ERBB4: variants seen among roughly 807,000 people sequenced by gnomAD.
The protein encoded by ERBB4 is receptor tyrosine-protein kinase erbB-4.
Under a neutral mutation model 158.0 loss-of-function variants are expected in ERBB4, and 42 were observed. The observed-to-expected ratio is 0.27, with a 90% CI of 0.21 to 0.34. The LOEUF (loss-of-function observed/expected upper bound fraction) is 0.34, where lower values mean the gene tolerates loss of function less well. Ranked by LOEUF, ERBB4 falls within the 10% of genes least tolerant of loss-of-function variation. The pLI is 1.00. For synonymous variants in ERBB4, 583 were observed against 558.7 expected (o/e 1.04, Z -0.61); for missense variants, 1,333 against 1,624.1 (o/e 0.82, Z 3.08).
At chr2:211,519,733 C>T (rs2066138006) in intron 20 of ERBB4, among the ~76,000 whole-genome samples, 1 of 152,112 alleles carries the variant, frequency 6.6e-6, no homozygotes, top group Admixed American at 6.5e-5. Flanking sequence ...TGCATTTGTA[C>T]TTGCATTTCT....
At chr2:211,862,453 A>C (rs983566) in intron 3 of ERBB4, among the ~76,000 whole-genome samples, 34,644 of 151,968 alleles carry the variant, frequency 0.23, 4,100 homozygotes, top group South Asian at 0.32. Flanking sequence ...GCAATTTTCC[A>C]GAGATTCCTG....
chr2:212,030,233 A>C (rs1429621345), intron 2 of ERBB4, among the ~76,000 whole-genome samples: 1 of 152,026 alleles, frequency 6.6e-6, no homozygotes, highest in Non-Finnish European at 1.5e-5. Flanking sequence ...AAGGAGCCTC[A>C]TATATCTCCC....
intron 1 of ERBB4, among the ~76,000 whole-genome samples, chr2:212,230,655 A>G (rs2083631807): frequency 1.3e-5 from 2 of 152,202 alleles, no homozygotes; most frequent in Admixed American, 6.5e-5. Context: ...GGTTTTCTGA[A>G]CATATATTTT....
In ERBB4 at chr2:212,488,296, CT is replaced by C. The variant is rs1387718996; in HGVS notation, c.82+50152del. Among the ~76,000 whole-genome samples the C allele has an allele frequency of 3.3e-5, 5 of 150,478 alleles. No individual in the cohort carries two copies. The East Asian group carries it at 9.7e-4, about 29-fold the overall frequency. The stretch of plus-strand genomic sequence containing the variant: ...TTGCTTTTTTTCCTACCTATTTTCA[CT>C]TTTTTCTAAGTTTCCTCGCTCCTCT... On this transcript the variant is annotated intron_variant, in intron 1 of 27. Transcript: ENST00000342788.
intron 19 of ERBB4, among the ~76,000 whole-genome samples, chr2:211,616,118 G>A (rs1323592098): frequency 1.3e-5 from 2 of 152,000 alleles, no homozygotes; most frequent in Non-Finnish European, 2.9e-5. Context: ...TCTTTCCACT[G>A]AGCCTATTTT....
At chr2:212,170,364 G>A (rs981001423) in intron 1 of ERBB4, among the ~76,000 whole-genome samples, 2 of 152,258 alleles carry the variant, frequency 1.3e-5, no homozygotes, top group Non-Finnish European at 1.5e-5. Flanking sequence ...GTTTAAAAAG[G>A]AAGCAGAGTA....
intron 25 of ERBB4, among the ~76,000 whole-genome samples, chr2:211,395,231 G>A (rs369676890): frequency 3.4e-4 from 51 of 152,076 alleles, no homozygotes; most frequent in African/African-American, 1.2e-3. Context: ...ATGTTTTGAT[G>A]AGGCTGAACC....
At chr2:211,944,592 C>A (rs553641995) in intron 3 of ERBB4, among the ~76,000 whole-genome samples, 1 of 152,142 alleles carries the variant, frequency 6.6e-6, no homozygotes, top group East Asian at 1.9e-4. Flanking sequence ...CCATCCCTTC[C>A]TTTCTCTCTG....
At chr2:211,720,332 A>G (rs1440701954) in intron 7 of ERBB4, among the ~76,000 whole-genome samples, 1 of 152,190 alleles carries the variant, frequency 6.6e-6, no homozygotes, top group Non-Finnish European at 1.5e-5. Context: ...ACTGTGGTCA[A>G]TGCCTTTGTG....
chr2:212,006,891 C>T (rs1428185012), intron 2 of ERBB4, among the ~76,000 whole-genome samples: 1 of 151,990 alleles, frequency 6.6e-6, no homozygotes, highest in African/African-American at 2.4e-5. Context: ...ATTTTAACTT[C>T]ACTGAGATTG....
chr2:211,919,832 T>C (rs2079809045), intron 3 of ERBB4, among the ~76,000 whole-genome samples: 1 of 151,994 alleles, frequency 6.6e-6, no homozygotes. Context: ...TACTTTCATA[T>C]GCTGCAAGGA....
intron 1 of ERBB4, among the ~76,000 whole-genome samples, chr2:212,408,831 T>G (rs1174445609): frequency 2.6e-5 from 4 of 152,166 alleles, no homozygotes; most frequent in Non-Finnish European, 5.9e-5. Context: ...CTAAATTCAC[T>G]CTGAAGTTTA....
intron 2 of ERBB4, among the ~76,000 whole-genome samples, chr2:211,988,129 A>T (rs1307027444): frequency 6.6e-6 from 1 of 152,212 alleles, no homozygotes; most frequent in African/African-American, 2.4e-5. Context: ...ATTAGAGCAG[A>T]AAAAGGTTTT....
intron 24 of ERBB4, among the ~76,000 whole-genome samples, chr2:211,421,627 A>T (rs556460465): frequency 4.6e-5 from 7 of 152,004 alleles, no homozygotes; most frequent in African/African-American, 1.7e-4. Flanking sequence ...GTCTTCAAGC[A>T]TGGGCAAGAT....
At chr2:211,510,961 T>C (rs1034411121) in intron 20 of ERBB4, among the ~76,000 whole-genome samples, 1 of 151,818 alleles carries the variant, frequency 6.6e-6, no homozygotes, top group Non-Finnish European at 1.5e-5. Context: ...ATAGACAAGA[T>C]CCATGGTTTA....
chr2:212,107,090 TATGAGA>T (rs2079252286), intron 2 of ERBB4, among the ~76,000 whole-genome samples: 1 of 152,048 alleles, frequency 6.6e-6, no homozygotes, highest in South Asian at 2.1e-4. Flanking sequence ...GCTGCCTAGT[TATGAGA>T]AAAGTGTCAC....
chr2:212,291,381 TC>T (rs2086200305), intron 1 of ERBB4, among the ~76,000 whole-genome samples: 1 of 152,102 alleles, frequency 6.6e-6, no homozygotes, highest in Non-Finnish European at 1.5e-5. Flanking sequence ...TTTAGCATAA[TC>T]CTATCATGTA....
chr2:212,105,321 G>A (rs1402855866), intron 2 of ERBB4, among the ~76,000 whole-genome samples: 1 of 152,162 alleles, frequency 6.6e-6, no homozygotes, highest in East Asian at 1.9e-4. Flanking sequence ...TTTTAGATAT[G>A]TAGAAAATAG....
chr2:212,276,840 T>A (rs2085555729), intron 1 of ERBB4, among the ~76,000 whole-genome samples: 1 of 151,826 alleles, frequency 6.6e-6, no homozygotes, highest in Non-Finnish European at 1.5e-5. Context: ...AGCTATGTCA[T>A]AAGCCATCTG....
Sources: gnomAD v4.1 joint callset for allele counts (sites outside exome capture counted in the v4.1 genomes callset) on GRCh38, gnomAD v4.1.1 for gene constraint, MANE v1.5 for transcripts, NCBI Gene and HGNC (gene_info 2026-07-23, HGNC 2026-07-21) for gene names.